Variants in MAGI2 observed in about 807,000 individuals in gnomAD.
MAGI2 encodes the protein membrane-associated guanylate kinase, WW and PDZ domain-containing protein 2.
A neutral mutation model predicts 133.3 loss-of-function variants in MAGI2; 35 were observed. That is an observed-to-expected ratio of 0.26 (90% confidence interval 0.20 to 0.35). MAGI2 has a LOEUF of 0.35. Ranked by LOEUF, MAGI2 falls within the 10% of genes least tolerant of loss-of-function variation. The pLI is 1.00. For missense variants in MAGI2, 1,636 were observed against 1,863.4 expected, an observed-to-expected ratio of 0.88 and a Z score of 2.25; for synonymous variants, 729 against 710.6, an observed-to-expected ratio of 1.03 and a Z score of -0.41.
chr7:79,378,492 T>G (rs1439731258), intron 1 of MAGI2, among the ~76,000 whole-genome samples: 2 of 151,504 alleles, frequency 1.3e-5, no homozygotes, highest in Non-Finnish European at 3.0e-5. Context: ...AGGAAGAAAT[T>G]TAAGGGATAC....
At chr7:78,704,778 C>CCT (rs1818442829) in intron 2 of MAGI2, among the ~76,000 whole-genome samples, 3 of 47,362 alleles carry the variant, frequency 6.3e-5, no homozygotes, top group Admixed American at 5.5e-4. Flanking sequence ...GGCCATTATT[C>CCT]TTTTTTTTTT....
intron 6 of MAGI2, among the ~76,000 whole-genome samples, chr7:78,381,415 G>A (rs962099183): frequency 4.6e-5 from 7 of 152,052 alleles, no homozygotes; most frequent in African/African-American, 1.2e-4. Flanking sequence ...ATCCAAGTAT[G>A]AGGAAAGGTT....
intron 2 of MAGI2, among the ~76,000 whole-genome samples, chr7:78,770,262 AT>A (rs1554563469): frequency 2.6e-5 from 4 of 152,152 alleles, no homozygotes; most frequent in African/African-American, 4.8e-5. Context: ...AACACATTGT[AT>A]TTTTTTCCCC....
chr7:78,363,864 C>T (rs868492790), intron 7 of MAGI2, among the ~76,000 whole-genome samples: 31 of 152,170 alleles, frequency 2.0e-4, no homozygotes, highest in African/African-American at 6.8e-4. Flanking sequence ...AGTTTCCTTA[C>T]CTATAAAATA....
At chr7:78,230,620 A>G (rs1244114784) in intron 10 of MAGI2, among the ~76,000 whole-genome samples, 5 of 152,194 alleles carry the variant, frequency 3.3e-5, no homozygotes, top group Non-Finnish European at 7.3e-5. Context: ...ACAAACTACA[A>G]TATCAAAAAA....
rs768726741 is a variant in MAGI2, at chr7:78,685,894, G to A, written c.419-58655C>T. Among the ~76,000 whole-genome samples the A allele has an allele frequency of 1.0e-3, 156 of 151,732 alleles. 2 individuals carry two copies. Among genetic ancestry groups the A allele is most frequent in the South Asian group, 4.2e-4 (2 of 4,802 alleles). On this transcript the variant is annotated intron_variant, in intron 2 of 21. Coordinates refer to ENST00000354212, the MANE Select transcript of MAGI2 (RefSeq NM_012301.4). The stretch of plus-strand genomic sequence containing the variant: ...ATGACACTCTACCTCCAAAATATTA[G>A]TACTTACGTTCAAAAAATTTCTCAA...
intron 6 of MAGI2, among the ~76,000 whole-genome samples, chr7:78,372,452 G>C (rs1458870204): frequency 6.6e-6 from 1 of 152,258 alleles, no homozygotes; most frequent in East Asian, 1.9e-4. Context: ...ATGTAGCTTG[G>C]AGCTTTTGAG....
intron 2 of MAGI2, among the ~76,000 whole-genome samples, chr7:78,702,529 G>A (rs1818185606): frequency 6.6e-6 from 1 of 151,964 alleles, no homozygotes; most frequent in Non-Finnish European, 1.5e-5. Flanking sequence ...TAAAGATTAA[G>A]TGACTTAATA....
intron 1 of MAGI2, chr7:79,125,277 C>A: frequency 2.2e-6 from 1 of 451,376 alleles, no homozygotes; most frequent in South Asian, 1.7e-5. Flanking sequence ...GAAAGCCCTG[C>A]CAAAACAAGA....
chr7:79,034,088 C>T (rs1459617009), intron 1 of MAGI2, among the ~76,000 whole-genome samples: 1 of 152,122 alleles, frequency 6.6e-6, no homozygotes, highest in African/African-American at 2.4e-5. Context: ...TTATATTCTT[C>T]CATCTACGCT....
intron 3 of MAGI2, among the ~76,000 whole-genome samples, chr7:78,543,346 TAACAC>T (rs1798565201): frequency 6.6e-6 from 1 of 152,212 alleles, no homozygotes. Flanking sequence ...ATCTATCTAA[TAACAC>T]AACCCTATTA....
intron 3 of MAGI2, among the ~76,000 whole-genome samples, chr7:78,566,641 G>A (rs1156311079): frequency 6.6e-6 from 1 of 151,842 alleles, no homozygotes; most frequent in African/African-American, 2.4e-5. Flanking sequence ...CAAGCTATGT[G>A]TAGTAAAATC....
At chr7:79,270,742 A>ATT (rs11371506) in intron 1 of MAGI2, among the ~76,000 whole-genome samples, 11 of 150,794 alleles carry the variant, frequency 7.3e-5, no homozygotes, top group Non-Finnish European at 1.0e-4. Flanking sequence ...AGTCTTAGTT[A>ATT]TTTTTTTTTA....
chr7:78,354,162 C>A (rs1051653227), intron 7 of MAGI2, among the ~76,000 whole-genome samples: 1 of 152,014 alleles, frequency 6.6e-6, no homozygotes, highest in East Asian at 1.9e-4. Context: ...ATGTTCCATG[C>A]GTATGAAAAA....
rs1214418333 is a variant in MAGI2 at position 78,930,195 on chromosome 7, C to G, written c.418+76895G>C. 2.0e-5 allele frequency among the ~76,000 whole-genome samples: 3 copies of G among 152,186 alleles called. No individual in the cohort carries two copies. The East Asian group carries it at 5.8e-4, about 29-fold the overall frequency. ...CTCCAAAAATGCAAGAAAGCAGAAG[C>G]AAATTACTCAATTTGGCTAATACAG... On this transcript the variant is annotated intron_variant, in intron 2 of 21. Transcript: ENST00000354212.
At chr7:78,413,088 T>C (rs539200088) in intron 6 of MAGI2, among the ~76,000 whole-genome samples, 58 of 152,200 alleles carry the variant, frequency 3.8e-4, no homozygotes, top group Admixed American at 1.2e-3. Flanking sequence ...GCCAGGTAGC[T>C]GTGTGACTTT....
At chr7:78,452,214 A>G (rs1198782154) in intron 6 of MAGI2, among the ~76,000 whole-genome samples, 2 of 152,058 alleles carry the variant, frequency 1.3e-5, no homozygotes, top group African/African-American at 4.8e-5. Flanking sequence ...AAGGTAAAAT[A>G]ACTTGATCAA....
chr7:78,583,209 C>G (rs1214900699), intron 3 of MAGI2, among the ~76,000 whole-genome samples: 1 of 152,120 alleles, frequency 6.6e-6, no homozygotes, highest in African/African-American at 2.4e-5. Flanking sequence ...GCCTCTCTCA[C>G]CCCTTAAAAA....
chr7:78,760,041 G>A (rs928958667), intron 2 of MAGI2, among the ~76,000 whole-genome samples: 2 of 152,064 alleles, frequency 1.3e-5, no homozygotes, highest in African/African-American at 4.8e-5. Flanking sequence ...CTTGAACCCT[G>A]AAAGGTGGAG....
Sources: allele counts gnomAD v4.1 joint callset (sites outside exome capture counted in the v4.1 genomes callset), GRCh38; gene constraint gnomAD v4.1.1; transcripts MANE v1.5; gene names NCBI Gene and HGNC (gene_info 2026-07-23, HGNC 2026-07-21).